STT3A: variants seen among roughly 807,000 people sequenced by gnomAD.
STT3A encodes the protein dolichyl-diphosphooligosaccharide--protein glycosyltransferase subunit STT3A.
Under a neutral mutation model 89.2 loss-of-function variants are expected in STT3A, and 34 were observed. The ratio of observed to expected loss-of-function variants is 0.38; its 90% confidence interval spans 0.29 to 0.51. STT3A has a LOEUF of 0.51. Ranked by LOEUF, STT3A falls within the 20% of genes least tolerant of loss-of-function variation. The probability of loss-of-function intolerance (pLI) is 0.89; values close to 1 mark genes in which losing one functional copy is unlikely to be tolerated. For missense variants in STT3A, 555 were observed against 889.5 expected, an observed-to-expected ratio of 0.62 and a Z score of 4.78; for synonymous variants, 282 against 310.3, an observed-to-expected ratio of 0.91 and a Z score of 0.96.
At chr11:125,612,486 C>A in intron 11 of STT3A, 106 bp from the exon 12 acceptor site, 1 of 1,268,136 alleles carries the variant, frequency 7.9e-7, no homozygotes, top group Non-Finnish European at 1.1e-6. Context: ...TTGTGGAGGT[C>A]ATGTTTGATG....
intron 3 of STT3A, among the ~76,000 whole-genome samples, chr11:125,599,880 G>A (rs1452848925): frequency 5.0e-5 from 7 of 139,548 alleles, no homozygotes; most frequent in Non-Finnish European, 7.6e-5. Flanking sequence ...ACAGGCACGC[G>A]CCACCACGCC....
intron 15 of STT3A, among the ~76,000 whole-genome samples, chr11:125,616,367 A>G (rs975610508): frequency 2.6e-5 from 4 of 152,236 alleles, no homozygotes; most frequent in Admixed American, 2.6e-4. Context: ...CAATGACAAG[A>G]AAAAAGTCTA....
chr11:125,602,911 C>G lies in STT3A; in HGVS notation c.380C>G (p.Thr127Ser). ...CTGGCCCCTCTCTTCTCCTCCTTCACCACCATCGTCACGTACCACCTTACC... is the reference window on the plus strand; with the variant it reads ...CTGGCCCCTCTCTTCTCCTCCTTCAGCACCATCGTCACGTACCACCTTACC... ...VFLAPLFSSF[T>S]TIVTYHLTKE... The change falls in exon 5 of 18, where the codon ACC becomes AGC. Residue 127 changes from threonine (T) to serine (S), a missense_variant. Physicochemically the swap from Thr to Ser is moderately conservative, Grantham distance 58. Around this residue, in one of 5 missense-constraint regions of STT3A, gnomAD observed 129 missense variants for 193.2 expected, o/e 0.67. Coordinates refer to ENST00000392708, the MANE Select transcript of STT3A (RefSeq NM_152713.5). 1.9e-6 allele frequency: 3 copies of G among 1,614,134 alleles called. No homozygotes were observed. Among genetic ancestry groups the G allele is most frequent in the Non-Finnish European group, 2.5e-6 (3 of 1,180,032 alleles).
At position 125,614,463 on chromosome 11, in the gene STT3A, A is replaced by G; in HGVS notation, c.1774+37A>G. On this transcript the variant is annotated intron_variant, in intron 15 of 17. Transcript: ENST00000392708. This position sits in a 1 kb window ranked among gnomAD's most constrained non-coding sequence, Gnocchi z 4.9. ...GATTCTGTTTCTAGCTGCAGGACAT[A>G]GATTCTAAGAAAACTAGATGAATAT... The G allele has an allele frequency of 9.6e-6, 15 of 1,568,870 alleles. No individual in the cohort carries two copies. The highest frequency in any genetic ancestry group is 1.3e-5 in the Non-Finnish European group (15 of 1,144,990).
chr11:125,594,979 C>T (rs913686725), intron 1 of STT3A: 5 of 152,136 alleles, frequency 3.3e-5, no homozygotes, highest in African/African-American at 1.2e-4. Context: ...ACCTCCACCT[C>T]TTTTTGAGTG....
In STT3A at chr11:125,614,270, G is replaced by A. The variant is rs573683716; in HGVS notation, c.1672-54G>A. 9 of 1,612,666 alleles carry A rather than the reference G, an allele frequency of 5.6e-6. No individual in the cohort carries two copies. The highest frequency in any genetic ancestry group is 5.5e-5 in the South Asian group (5 of 91,044). On this transcript the variant is annotated intron_variant, in intron 14 of 17. Coordinates refer to ENST00000392708, the MANE Select transcript of STT3A (RefSeq NM_152713.5). The surrounding 1 kb of genome is among the most constrained non-coding windows in gnomAD (Gnocchi z 4.9). ...TCTAATGGGAAATGTGTCTGCATGA[G>A]GGGATCATATGACTTGGGATTTTGC...
chr11:125,595,473 C>G (rs564616628), intron 1 of STT3A, among the ~76,000 whole-genome samples: 18 of 152,196 alleles, frequency 1.2e-4, no homozygotes, highest in South Asian at 8.3e-4. Context: ...CCCCCCTCCG[C>G]CCCTGCCACC....
intron 15 of STT3A, among the ~76,000 whole-genome samples, chr11:125,615,221 T>C (rs1362332614): frequency 6.6e-6 from 1 of 152,050 alleles, no homozygotes; most frequent in Non-Finnish European, 1.5e-5. Flanking sequence ...GGGCTGACAT[T>C]GCGCCATTGG....
At chr11:125,598,083 G>A (rs1238174471) in intron 3 of STT3A, among the ~76,000 whole-genome samples, 1 of 152,124 alleles carries the variant, frequency 6.6e-6, no homozygotes, top group Non-Finnish European at 1.5e-5. Context: ...ATGGTGGCAT[G>A]TGCCCGTAAT....
chr11:125,612,962 C>T lies in STT3A; in HGVS notation c.1366-27C>T, dbSNP rs1055442057. The T allele has an allele frequency of 1.9e-6, 3 of 1,610,554 alleles. No individual in the cohort carries two copies. In the African/African-American group the frequency reaches 4.0e-5, roughly 22 times the overall value. ...TGTGTGAATTTAGTTTGGTTAACTA[C>T]ACAATTAATTCTTTTTCCTTGTTTA... On this transcript the variant is annotated intron_variant, in intron 12 of 17. Coordinates refer to ENST00000392708, the MANE Select transcript of STT3A (RefSeq NM_152713.5).
At position 125,610,352 on chromosome 11, in the gene STT3A, A is replaced by G. The variant is rs560498636; in HGVS notation, c.1117+763A>G. Among the ~76,000 whole-genome samples the G allele has an allele frequency of 3.9e-5, 6 of 152,330 alleles. No individual in the cohort carries two copies. In the East Asian group the frequency reaches 9.6e-4, roughly 24 times the overall value. On this transcript the variant is annotated intron_variant, in intron 10 of 17. Transcript: ENST00000392708. The stretch of plus-strand genomic sequence containing the variant: ...AGTGCTGGGATTACAGGCGTGAGCC[A>G]CTGTGCCTGGCCAACTTTTACTTTT...
chr11:125,620,381 T>G (rs1330093598), intron 17 of STT3A, among the ~76,000 whole-genome samples: 1 of 152,232 alleles, frequency 6.6e-6, no homozygotes, highest in African/African-American at 2.4e-5. Context: ...AACCAGTTTC[T>G]GTGATTATCA....
In STT3A at chr11:125,605,698, G is replaced by A; in HGVS notation, c.578G>A (p.Cys193Tyr). Reference sequence around the variant, plus strand: ...AAGGCAGTAAAGACTGGTTCCATCTGTTGGGCAGCTAAGTGTGCCCTTGCT... The same window carrying A: ...AAGGCAGTAAAGACTGGTTCCATCTATTGGGCAGCTAAGTGTGCCCTTGCT... The part of the protein sequence containing the change: ...WIKAVKTGSI[C>Y]WAAKCALAYF... Residue 193 changes from cysteine (C) to tyrosine (Y), a missense_variant, in exon 7 of 18, where the codon TGT (cysteine) becomes TAT (tyrosine). Physicochemically the swap from Cys to Tyr is radical, Grantham distance 194 (BLOSUM62 -2). Around this residue, in one of 5 missense-constraint regions of STT3A, gnomAD observed 149 missense variants for 206.2 expected, o/e 0.72. Transcript: ENST00000392708. 2 of 1,614,082 alleles carry A rather than the reference G, an allele frequency of 1.2e-6. No individual in the cohort carries two copies. The highest frequency in any genetic ancestry group is 1.3e-5 in the African/African-American group (1 of 75,060).
upstream of STT3A, chr11:125,592,440 C>A (rs771252633): frequency 9.2e-5 from 42 of 456,170 alleles, 4 homozygotes; most frequent in South Asian, 6.3e-4. Context: ...GGGAGACGAG[C>A]GGCTCCGCAT....
Position 125,609,445 on chromosome 11 carries a change from C to T in STT3A, c.973C>T (p.Pro325Ser). Residue 325 changes from proline (P) to serine (S), a missense_variant, in exon 10 of 18, where the codon CCC becomes TCC. Around this residue, in one of 5 missense-constraint regions of STT3A, gnomAD observed 149 missense variants for 206.2 expected, o/e 0.72. Transcript: ENST00000392708. ...ALLMLTGKIS[P>S]WTGRFYSLLD... is the part of the protein sequence containing the mutation. Reference sequence around the variant, plus strand: ...CTCTTTGCTGCTAGGAAAAATATCTCCCTGGACGGGGCGTTTCTACTCGCT... The same window carrying T: ...CTCTTTGCTGCTAGGAAAAATATCTTCCTGGACGGGGCGTTTCTACTCGCT... 6.2e-7 allele frequency: 1 copy of T among 1,608,654 alleles called. No homozygotes were observed.
In STT3A at chr11:125,620,843, GA is replaced by G. The variant is rs781692888; in HGVS notation, c.*34del. 5 of 1,553,012 alleles carry G rather than the reference GA, an allele frequency of 3.2e-6. No homozygotes were observed. Among genetic ancestry groups the G allele is most frequent in the Non-Finnish European group, 3.5e-6 (4 of 1,136,408 alleles). Reference sequence around the variant, plus strand: ...GTCCAGCTCTGATATGCTTCGCACTGAGCACATCACATTTAGGACGTTGAAG... The same window carrying G: ...GTCCAGCTCTGATATGCTTCGCACTGGCACATCACATTTAGGACGTTGAAG... On this transcript the variant is annotated 3_prime_UTR_variant, in exon 18 of 18. Transcript: ENST00000392708.
In STT3A at chr11:125,604,140, C is replaced by T; in HGVS notation, c.418-17C>T. On this transcript the variant is annotated splice_polypyrimidine_tract_variant and intron_variant, in intron 5 of 17. Coordinates refer to ENST00000392708, the MANE Select transcript of STT3A (RefSeq NM_152713.5). ...TTGTATTGGTGTTAATGTCTTATTA[C>T]CCTTTTTTTCTTACAGGATGCAGGG... The T allele has an allele frequency of 1.9e-6, 3 of 1,613,142 alleles. No individual in the cohort carries two copies. The highest frequency in any genetic ancestry group is 2.5e-6 in the Non-Finnish European group (3 of 1,179,300).
chr11:125,608,372 T>C, intron 9 of STT3A, 83 bp downstream of exon 9: 1 of 1,398,700 alleles, frequency 7.1e-7, no homozygotes, highest in Non-Finnish European at 9.5e-7. Flanking sequence ...CGGAGTGCAG[T>C]GGTGCGATCT....
chr11:125,602,723 A>G lies in STT3A; in HGVS notation c.272-80A>G, dbSNP rs867132213. The G allele has an allele frequency of 4.9e-4, 773 of 1,565,240 alleles. 2 individuals are homozygous for G. Among genetic ancestry groups the G allele is most frequent in the Middle Eastern group, 1.9e-3 (11 of 5,868 alleles). ...TTGTCAAGACTTACATAGTCACTTTATTGTATCTGGGATTTTCCCTTTCTT... is the reference window on the plus strand; with the variant it reads ...TTGTCAAGACTTACATAGTCACTTTGTTGTATCTGGGATTTTCCCTTTCTT... On this transcript the variant is annotated intron_variant, in intron 4 of 17. Transcript: ENST00000392708.
Sources: gnomAD v4.1 joint callset for allele counts (sites outside exome capture counted in the v4.1 genomes callset) on GRCh38, gnomAD v4.1.1 for gene constraint, gnomAD v4.1.1 regional missense constraint, Gnocchi (gnomAD v3.1) non-coding constraint, MANE v1.5 for transcripts, NCBI Gene and HGNC (gene_info 2026-07-23, HGNC 2026-07-21) for gene names.